Variants in EPS15L1 observed in about 807,000 individuals in gnomAD.
EPS15L1 encodes epidermal growth factor receptor pathway substrate 15 like 1, also known as epidermal growth factor receptor substrate 15-like 1.
EPS15L1 carries 43 observed loss-of-function variants against 117.1 expected under a neutral mutation model. That is an observed-to-expected ratio of 0.37 (90% confidence interval 0.29 to 0.47). The LOEUF (loss-of-function observed/expected upper bound fraction) is 0.47. Ranked by LOEUF, EPS15L1 falls within the 20% of genes least tolerant of loss-of-function variation. The pLI is 0.99. For synonymous variants in EPS15L1, 459 were observed against 470.5 expected, an observed-to-expected ratio of 0.98 and a Z score of 0.32; for missense variants, 981 against 1,164.0, an observed-to-expected ratio of 0.84 and a Z score of 2.29.
At chr19:16,363,114 G>C (rs554657194) in intron 22 of EPS15L1, among the ~76,000 whole-genome samples, 5 of 151,972 alleles carry the variant, frequency 3.3e-5, no homozygotes, top group African/African-American at 1.2e-4. Context: ...CCCACCTGAC[G>C]GGCCTTCCAG....
At chr19:16,420,019 C>T (rs758362663) in intron 10 of EPS15L1, among the ~76,000 whole-genome samples, 3 of 152,238 alleles carry the variant, frequency 2.0e-5, no homozygotes, top group African/African-American at 7.2e-5. Context: ...CTGACCCGTA[C>T]GGTGGCAGCC....
Position 16,361,857 on chromosome 19 carries a change from A to G in EPS15L1, c.2508T>C (p.Ser836=), listed in dbSNP as rs753543976. The change falls in exon 23 of 24, where the codon AGT becomes AGC. Residue 836 remains serine (S), a synonymous_variant. Coordinates refer to ENST00000455140, the MANE Select transcript of EPS15L1 (RefSeq NM_001258374.3). ...AGGAGGGGACAAATGGGTCTTTTCC[A>G]CTAAACGGGTCCCCAAACCCCTTTT... The part of the protein sequence containing the change: ...QSKKGFGDPF[S]GKDPFVPSSA... 6 of 1,614,136 alleles carry G rather than the reference A, an allele frequency of 3.7e-6. No individual in the cohort carries two copies. The Admixed American group carries it at 5.0e-5, about 13-fold the overall frequency.
Position 16,402,057 on chromosome 19 carries a change from A to C in EPS15L1, c.1791+264T>G. Reference sequence around the variant, plus strand: ...GTTGGCCCAATGTAAATACTTCCGCAGAGATGGAGGGCATTCAAAACAGGT... The same window carrying C: ...GTTGGCCCAATGTAAATACTTCCGCCGAGATGGAGGGCATTCAAAACAGGT... On this transcript the variant is annotated intron_variant, in intron 16 of 23. Coordinates refer to ENST00000455140, the MANE Select transcript of EPS15L1 (RefSeq NM_001258374.3). 2.5e-6 allele frequency: 3 copies of C among 1,218,342 alleles called. No homozygotes were observed. The East Asian group carries it at 1.1e-4, about 44-fold the overall frequency. The allele number at this position is 1,218,342 out of a possible 1,614,324, so 75.5% of individuals were successfully genotyped here.
chr19:16,395,256 G>A (rs1189579847), intron 17 of EPS15L1, 88 bp downstream of exon 17: 5 of 1,141,480 alleles, frequency 4.4e-6, no homozygotes, highest in Non-Finnish European at 2.5e-6. Context: ...ATTGTGGCAT[G>A]TCCTTACTTT....
At position 16,431,423 on chromosome 19, in the gene EPS15L1, C is replaced by T. The variant is rs143525693; in HGVS notation, c.499-2662G>A. 5.0e-3 allele frequency among the ~76,000 whole-genome samples: 754 copies of T among 151,516 alleles called. 3 individuals carry two copies. The highest frequency in any genetic ancestry group is 0.017 in the African/African-American group (703 of 41,342). ...GATTCAAGCGATTCTCCTGCCTCAG[C>T]TTCCCGAGTCGCTGGGACTACATGA... On this transcript the variant is annotated intron_variant, in intron 7 of 23. Coordinates refer to ENST00000455140, the MANE Select transcript of EPS15L1 (RefSeq NM_001258374.3).
rs777786847 is a variant in EPS15L1, at chr19:16,404,488, T to A, written c.1428+100A>T. The A allele has an allele frequency of 2.3e-6, 3 of 1,315,006 alleles. No individual in the cohort carries two copies. The highest frequency in any genetic ancestry group is 3.2e-6 in the Non-Finnish European group (3 of 941,048). The allele number at this position is 1,315,006 out of a possible 1,614,324, so 81.5% of individuals were successfully genotyped here. On this transcript the variant is annotated intron_variant, in intron 14 of 23. Coordinates refer to ENST00000455140, the MANE Select transcript of EPS15L1 (RefSeq NM_001258374.3). This position sits in a 1 kb window ranked among gnomAD's most constrained non-coding sequence, Gnocchi z 4.2. The stretch of plus-strand genomic sequence containing the variant: ...GAGGAACTCTATTGACCCAGTAGGA[T>A]GTCTAAGTGTTGTGTTCCCAGGTAA...
intron 22 of EPS15L1, among the ~76,000 whole-genome samples, chr19:16,375,167 T>C (rs960877013): frequency 1.4e-4 from 22 of 152,126 alleles, no homozygotes; most frequent in African/African-American, 4.8e-4. Flanking sequence ...CACGGAGGGG[T>C]GCATGGGAGA....
Position 16,430,554 on chromosome 19 carries a change from G to A in EPS15L1, c.499-1793C>T, listed in dbSNP as rs888784774. Reference sequence around the variant, plus strand: ...GTCTTCACGCAGAGCACTAGGGCCCGGCCTGCCCATACTAAGCCCTCAGTA... The same window carrying A: ...GTCTTCACGCAGAGCACTAGGGCCCAGCCTGCCCATACTAAGCCCTCAGTA... On this transcript the variant is annotated intron_variant, in intron 7 of 23. Transcript: ENST00000455140. 5.3e-5 allele frequency among the ~76,000 whole-genome samples: 8 copies of A among 152,222 alleles called. No homozygotes were observed. The East Asian group carries it at 5.8e-4, about 11-fold the overall frequency.
intron 7 of EPS15L1, among the ~76,000 whole-genome samples, chr19:16,430,531 C>T (rs1418289107): frequency 2.6e-5 from 4 of 152,234 alleles, no homozygotes; most frequent in Admixed American, 2.6e-4. Context: ...GGATGTGTGT[C>T]TTCACGCAGA....
intron 13 of EPS15L1, among the ~76,000 whole-genome samples, chr19:16,411,873 T>C (rs970221050): frequency 4.6e-5 from 7 of 152,034 alleles, no homozygotes; most frequent in African/African-American, 1.2e-4. Flanking sequence ...CTTTTGCAAA[T>C]ATTTTTGTAG....
At chr19:16,378,254 G>A (rs1044183810) in intron 21 of EPS15L1, among the ~76,000 whole-genome samples, 1 of 151,996 alleles carries the variant, frequency 6.6e-6, no homozygotes, top group African/African-American at 2.4e-5. Context: ...TCTCATTAAG[G>A]CATGCAGGGA....
intron 15 of EPS15L1, among the ~76,000 whole-genome samples, chr19:16,403,267 A>T (rs942680270): frequency 1.3e-5 from 2 of 152,132 alleles, no homozygotes; most frequent in African/African-American, 4.8e-5. Flanking sequence ...GGGGCGTCCC[A>T]GGCAGCTTAG....
rs2092118597 is a variant in EPS15L1, at chr19:16,365,344, TG to T, written c.2381-3361del. Among the ~76,000 whole-genome samples the T allele has an allele frequency of 6.6e-6, 1 of 152,172 alleles. No individual in the cohort carries two copies. Among genetic ancestry groups the T allele is most frequent in the Admixed American group, 6.5e-5 (1 of 15,282 alleles). On this transcript the variant is annotated intron_variant, in intron 22 of 23. Coordinates refer to ENST00000455140, the MANE Select transcript of EPS15L1 (RefSeq NM_001258374.3). This position sits in a 1 kb window ranked among gnomAD's most constrained non-coding sequence, Gnocchi z 4.9. ...AAGATAGCATATTTAAAGGGGTAAC[TG>T]AGTTAAAACGAAGTCAAAGGATCAA...
intron 16 of EPS15L1, among the ~76,000 whole-genome samples, chr19:16,397,615 G>T (rs1599577631): frequency 6.6e-6 from 1 of 151,804 alleles, no homozygotes; most frequent in African/African-American, 2.4e-5. Context: ...GAAACATGCT[G>T]GTTGTTTCTG....
intron 22 of EPS15L1, among the ~76,000 whole-genome samples, chr19:16,374,239 G>A (rs968676921): frequency 3.3e-5 from 5 of 152,192 alleles, no homozygotes; most frequent in Non-Finnish European, 4.4e-5. Flanking sequence ...TCTCCCTCAC[G>A]GGTCTTGCTG....
intron 23 of EPS15L1, 99 bp downstream of exon 23, chr19:16,361,680 A>C (rs536371553): frequency 6.8e-7 from 1 of 1,471,884 alleles, no homozygotes; most frequent in Admixed American, 2.6e-5. Context: ...CAAGAGGCTA[A>C]AGAAGCTGGG....
At chr19:16,469,514 G>A (rs894637648) in intron 1 of EPS15L1, among the ~76,000 whole-genome samples, 2 of 151,940 alleles carry the variant, frequency 1.3e-5, no homozygotes, top group African/African-American at 4.8e-5. Flanking sequence ...AAATCACTGA[G>A]ATGCTGTTGG....
intron 16 of EPS15L1, chr19:16,401,379 G>T: frequency 1.0e-6 from 1 of 985,450 alleles, no homozygotes; most frequent in South Asian, 4.7e-5. Flanking sequence ...GAGCACGAGC[G>T]CTCACTCTTA....
intron 4 of EPS15L1, chr19:16,440,640 A>G (rs2093021958): frequency 3.1e-6 from 1 of 319,792 alleles, no homozygotes; most frequent in African/African-American, 2.2e-5. Context: ...TAAAAGAAAA[A>G]TAAATAAATA....
Sources: allele counts gnomAD v4.1 joint callset (sites outside exome capture counted in the v4.1 genomes callset), GRCh38; gene constraint gnomAD v4.1.1; non-coding constraint Gnocchi (gnomAD v3.1); transcripts MANE v1.5; gene names NCBI Gene and HGNC (gene_info 2026-07-23, HGNC 2026-07-21).